Variants in ST6GALNAC5 observed in about 807,000 individuals in gnomAD.
The protein encoded by ST6GALNAC5 is alpha-N-acetylgalactosaminide alpha-2,6-sialyltransferase 5.
Under a neutral mutation model 33.6 loss-of-function variants are expected in ST6GALNAC5, and 27 were observed. The ratio of observed to expected loss-of-function variants is 0.80; its 90% confidence interval spans 0.59 to 1.11. The LOEUF (loss-of-function observed/expected upper bound fraction) is 1.11, where lower values mean the gene tolerates loss of function less well. ST6GALNAC5 is among the 50% of genes least tolerant of loss of function. The pLI, the probability that ST6GALNAC5 is intolerant of heterozygous loss-of-function variation, is 0.00. For missense variants in ST6GALNAC5, 428 were observed against 454.0 expected (o/e 0.94, Z 0.52); for synonymous variants, 194 against 171.2 (o/e 1.13, Z -1.04).
intron 2 of ST6GALNAC5, among the ~76,000 whole-genome samples, chr1:77,026,608 G>A (rs970442189): frequency 6.6e-6 from 1 of 152,192 alleles, no homozygotes; most frequent in South Asian, 2.1e-4. Flanking sequence ...TGCAAAGTCA[G>A]CAGAGAAAGG....
intron 4 of ST6GALNAC5, among the ~76,000 whole-genome samples, chr1:77,052,604 C>T (rs535802837): frequency 2.6e-5 from 4 of 151,756 alleles, no homozygotes; most frequent in East Asian, 3.9e-4. Context: ...ATCCCAAGCA[C>T]TTGAGAGTTT....
chr1:77,013,347 T>C (rs1316312550), intron 2 of ST6GALNAC5, among the ~76,000 whole-genome samples: 1 of 152,212 alleles, frequency 6.6e-6, no homozygotes, highest in Non-Finnish European at 1.5e-5. Flanking sequence ...TCAGCCTCGT[T>C]TGTGAAGTTA....
Position 77,011,824 on chromosome 1 carries a change from GATA to G in ST6GALNAC5, c.262-32377_262-32375del, listed in dbSNP as rs556104790. The stretch of plus-strand genomic sequence containing the variant: ...TAACATTTTTATTTTGTAATATAGT[GATA>G]ATGATAATAATATAGTAACTGTATG... On this transcript the variant is annotated intron_variant, in intron 2 of 4. Coordinates refer to ENST00000477717, the MANE Select transcript of ST6GALNAC5 (RefSeq NM_030965.3). Among the ~76,000 whole-genome samples, 138 of 152,070 alleles carry G rather than the reference GATA, an allele frequency of 9.1e-4. 1 individual carries two copies. The highest frequency in any genetic ancestry group is 3.2e-3 in the African/African-American group (134 of 41,484).
At chr1:77,007,339 G>A (rs112452708) in intron 2 of ST6GALNAC5, among the ~76,000 whole-genome samples, 6 of 152,172 alleles carry the variant, frequency 3.9e-5, no homozygotes, top group African/African-American at 7.2e-5. Context: ...CCTCTGCAAC[G>A]CTCTCCATTT....
chr1:76,974,325 C>T lies in ST6GALNAC5; in HGVS notation c.262-69879C>T, dbSNP rs532847050. 1.7e-4 allele frequency among the ~76,000 whole-genome samples: 26 copies of T among 151,448 alleles called. No homozygotes were observed. The East Asian group carries it at 3.9e-3, about 23-fold the overall frequency. On this transcript the variant is annotated intron_variant, in intron 2 of 4. Coordinates refer to ENST00000477717, the MANE Select transcript of ST6GALNAC5 (RefSeq NM_030965.3). ...GCTCAAAGTGATCCTCCTACCTTTGCCTCCCAAGTAACTAGGATTATAGAC... is the reference window on the plus strand; with the variant it reads ...GCTCAAAGTGATCCTCCTACCTTTGTCTCCCAAGTAACTAGGATTATAGAC...
chr1:76,956,199 TA>T (rs1211283308), intron 2 of ST6GALNAC5, among the ~76,000 whole-genome samples: 1 of 151,922 alleles, frequency 6.6e-6, no homozygotes, highest in Non-Finnish European at 1.5e-5. Context: ...TAGACTCTAT[TA>T]AAGTCTCTAC....
At chr1:76,907,284 G>A (rs1184141168) in intron 2 of ST6GALNAC5, among the ~76,000 whole-genome samples, 1 of 151,948 alleles carries the variant, frequency 6.6e-6, no homozygotes, top group Non-Finnish European at 1.5e-5. Flanking sequence ...TATATACTCT[G>A]ATCTTGACCC....
chr1:76,971,826 C>G (rs1379149602), intron 2 of ST6GALNAC5, among the ~76,000 whole-genome samples: 2 of 152,060 alleles, frequency 1.3e-5, no homozygotes, highest in Non-Finnish European at 2.9e-5. Flanking sequence ...ATCGTAAAGT[C>G]AAAAAATCTT....
chr1:76,889,844 A>AG (rs1653976453), intron 2 of ST6GALNAC5, among the ~76,000 whole-genome samples: 4 of 151,816 alleles, frequency 2.6e-5, no homozygotes, highest in African/African-American at 7.3e-5. Flanking sequence ...CTATTTCTAG[A>AG]TTTTTTTCTA....
chr1:77,022,774 T>C (rs1651100205), intron 2 of ST6GALNAC5, among the ~76,000 whole-genome samples: 1 of 152,170 alleles, frequency 6.6e-6, no homozygotes, highest in Admixed American at 6.5e-5. Flanking sequence ...CCTCTGAAAA[T>C]GGGATACTTT....
intron 2 of ST6GALNAC5, among the ~76,000 whole-genome samples, chr1:76,989,429 AT>A (rs912188919): frequency 6.6e-6 from 1 of 151,544 alleles, no homozygotes; most frequent in African/African-American, 2.4e-5. Context: ...AATTTGAAGG[AT>A]TTTTTTTCCT....
chr1:76,919,205 G>T (rs770386156), intron 2 of ST6GALNAC5, among the ~76,000 whole-genome samples: 1 of 152,028 alleles, frequency 6.6e-6, no homozygotes, highest in Non-Finnish European at 1.5e-5. Context: ...CAGCTTCCAG[G>T]CCGCCTCAGT....
chr1:76,897,808 G>A (rs1033927975), intron 2 of ST6GALNAC5, among the ~76,000 whole-genome samples: 5 of 152,178 alleles, frequency 3.3e-5, no homozygotes, highest in African/African-American at 1.2e-4. Flanking sequence ...TGTCTAAGTT[G>A]GCACCAGAGT....
At chr1:76,998,904 A>G (rs1178687662) in intron 2 of ST6GALNAC5, among the ~76,000 whole-genome samples, 14 of 152,152 alleles carry the variant, frequency 9.2e-5, no homozygotes, top group Admixed American at 5.9e-4. Flanking sequence ...CTGTTATAGA[A>G]GACAGGCAGT....
chr1:76,968,564 C>T (rs368070163), intron 2 of ST6GALNAC5, among the ~76,000 whole-genome samples: 1 of 152,116 alleles, frequency 6.6e-6, no homozygotes, highest in African/African-American at 2.4e-5. Context: ...TTAATTGGGG[C>T]ATTTAGCCCA....
chr1:76,883,535 C>T (rs1419675807), intron 2 of ST6GALNAC5, among the ~76,000 whole-genome samples: 2 of 152,206 alleles, frequency 1.3e-5, no homozygotes, highest in African/African-American at 4.8e-5. Context: ...ATCTGACATA[C>T]ACATCTTTAA....
intron 2 of ST6GALNAC5, among the ~76,000 whole-genome samples, chr1:77,026,212 G>T (rs2100442535): frequency 6.6e-6 from 1 of 152,222 alleles, no homozygotes; most frequent in Non-Finnish European, 1.5e-5. Context: ...AAAGAGCCCT[G>T]GGAGATATGA....
chr1:76,979,984 T>A (rs1649184813), intron 2 of ST6GALNAC5, among the ~76,000 whole-genome samples: 1 of 152,100 alleles, frequency 6.6e-6, no homozygotes, highest in African/African-American at 2.4e-5. Flanking sequence ...ATGAAACTAC[T>A]AGAAGAAAAC....
rs1025632205 is a variant in ST6GALNAC5, at chr1:77,020,851, C to T, written c.262-23353C>T. Among the ~76,000 whole-genome samples, 8 of 152,330 alleles carry T rather than the reference C, an allele frequency of 5.3e-5. No individual in the cohort carries two copies. In the South Asian group the frequency reaches 1.5e-3, roughly 28 times the overall value. ...AAAGGCTCCGTTACACCTCTGGGGG[C>T]TGATGCTGGCTGGTGGCTTGCACCT... On this transcript the variant is annotated intron_variant, in intron 2 of 4. Transcript: ENST00000477717.
Sources: gnomAD v4.1 joint callset for allele counts (sites outside exome capture counted in the v4.1 genomes callset) on GRCh38, gnomAD v4.1.1 for gene constraint, MANE v1.5 for transcripts, NCBI Gene and HGNC (gene_info 2026-07-23, HGNC 2026-07-21) for gene names.